RARB: variants seen among roughly 807,000 people sequenced by gnomAD.
RARB encodes retinoic acid receptor beta.
Under a neutral mutation model 51.9 loss-of-function variants are expected in RARB, and 17 were observed. The ratio of observed to expected loss-of-function variants is 0.33; its 90% CI spans 0.22 to 0.49. The LOEUF (loss-of-function observed/expected upper bound fraction) is 0.49. RARB is among the 20% of genes least tolerant of loss of function. The probability of loss-of-function intolerance (pLI) is 0.99; values close to 1 mark genes in which losing one functional copy is unlikely to be tolerated. For missense variants in RARB, 369 were observed against 550.8 expected (o/e 0.67, Z 3.30); for synonymous variants, 215 against 195.4 (o/e 1.10, Z -0.84).
intron 5 of RARB, among the ~76,000 whole-genome samples, chr3:25,298,913 G>A (rs1703978035): frequency 6.6e-6 from 1 of 152,094 alleles, no homozygotes; most frequent in South Asian, 2.1e-4. Flanking sequence ...GAGAGACCTG[G>A]AATACCTGAA....
chr3:24,870,774 T>C (rs985173275), intron 2 of RARB, among the ~76,000 whole-genome samples: 1 of 152,118 alleles, frequency 6.6e-6, no homozygotes, highest in Non-Finnish European at 1.5e-5. Flanking sequence ...TAGGCACATA[T>C]ATTTATAGGA....
intron 5 of RARB, among the ~76,000 whole-genome samples, chr3:25,219,925 G>A (rs1701909691): frequency 1.3e-5 from 2 of 152,254 alleles, no homozygotes; most frequent in East Asian, 3.9e-4. Context: ...GCATAATGTG[G>A]CACACATACC....
intron 3 of RARB, among the ~76,000 whole-genome samples, chr3:25,083,457 A>C (rs1303853864): frequency 6.6e-6 from 1 of 151,556 alleles, no homozygotes; most frequent in Non-Finnish European, 1.5e-5. Flanking sequence ...TTTTTTCCAG[A>C]CAGTATTTTT....
At chr3:25,421,103 T>C (rs1287699435) in intron 5 of RARB, among the ~76,000 whole-genome samples, 1 of 151,614 alleles carries the variant, frequency 6.6e-6, no homozygotes, top group Non-Finnish European at 1.5e-5. Flanking sequence ...TCTGACTCAG[T>C]GTGTGCTTTG....
intron 3 of RARB, among the ~76,000 whole-genome samples, chr3:25,102,720 T>C (rs2125321798): frequency 6.6e-6 from 1 of 152,204 alleles, no homozygotes; most frequent in South Asian, 2.1e-4. Context: ...GCTTTCTCAA[T>C]TTCTGAATTT....
intron 4 of RARB, among the ~76,000 whole-genome samples, chr3:25,580,190 C>T (rs946916676): frequency 3.9e-5 from 6 of 152,178 alleles, no homozygotes; most frequent in African/African-American, 9.6e-5. Context: ...CTGGCTAACA[C>T]GGTGAAACCC....
At chr3:24,939,118 G>C (rs1695605677) in intron 2 of RARB, among the ~76,000 whole-genome samples, 1 of 152,096 alleles carries the variant, frequency 6.6e-6, no homozygotes, top group Middle Eastern at 3.4e-3. Flanking sequence ...GAGTAGCTAG[G>C]ATTACAGGCG....
At chr3:24,911,737 G>C (rs1267577897) in intron 2 of RARB, among the ~76,000 whole-genome samples, 1 of 152,186 alleles carries the variant, frequency 6.6e-6, no homozygotes, top group Non-Finnish European at 1.5e-5. Flanking sequence ...AGGATCACTT[G>C]AGGCCAGGAG....
intron 4 of RARB, among the ~76,000 whole-genome samples, chr3:25,149,448 G>T (rs1430865933): frequency 1.3e-5 from 2 of 152,174 alleles, no homozygotes; most frequent in African/African-American, 2.4e-5. Flanking sequence ...ATGTGATTGT[G>T]GGTGAGTGAC....
At position 25,120,624 on chromosome 3, in the gene RARB, A is replaced by G. The variant is rs115879813; in HGVS notation, c.-327-11537A>G. On this transcript the variant is annotated intron_variant, in intron 3 of 11. Coordinates refer to the RARB transcript ENST00000383772. ...AGTTCAACCACTTCATACTGGAGGT[A>G]AGTTATATATTGTTAACTAAAGTCT... Among the ~76,000 whole-genome samples the G allele has an allele frequency of 4.1e-3, 621 of 151,094 alleles. 4 individuals are homozygous for G. The highest frequency in any genetic ancestry group is 0.014 in the African/African-American group (580 of 41,120).
intron 2 of RARB, among the ~76,000 whole-genome samples, chr3:24,889,563 A>G (rs1703335754): frequency 6.6e-6 from 1 of 152,118 alleles, no homozygotes; most frequent in South Asian, 2.1e-4. Context: ...TGCTCGTGGA[A>G]TCTTCATAAC....
At chr3:24,900,157 T>C (rs1442647830) in intron 2 of RARB, among the ~76,000 whole-genome samples, 1 of 152,164 alleles carries the variant, frequency 6.6e-6, no homozygotes, top group Non-Finnish European at 1.5e-5. Flanking sequence ...AGGAGAAAAA[T>C]GGTCAGTAAC....
chr3:25,164,390 C>T (rs1700527590), intron 4 of RARB, among the ~76,000 whole-genome samples: 1 of 152,184 alleles, frequency 6.6e-6, no homozygotes, highest in South Asian at 2.1e-4. Context: ...GCTGAGCAAG[C>T]ATGGGCAACC....
At chr3:25,299,663 T>G (rs1703994493) in intron 5 of RARB, among the ~76,000 whole-genome samples, 1 of 152,236 alleles carries the variant, frequency 6.6e-6, no homozygotes, top group Non-Finnish European at 1.5e-5. Flanking sequence ...ATACAATTGG[T>G]TTTCTTTATA....
intron 2 of RARB, among the ~76,000 whole-genome samples, chr3:24,970,887 A>G (rs1490682074): frequency 6.6e-6 from 1 of 152,012 alleles, no homozygotes. Context: ...TGTCAATTGA[A>G]TAACTTTCTA....
intron 5 of RARB, among the ~76,000 whole-genome samples, chr3:25,252,478 C>T (rs1702749569): frequency 6.6e-6 from 1 of 152,118 alleles, no homozygotes; most frequent in African/African-American, 2.4e-5. Context: ...AGTCCATGAA[C>T]ATGGTATATC....
At chr3:25,349,655 C>T (rs994744837) in intron 5 of RARB, among the ~76,000 whole-genome samples, 2 of 152,022 alleles carry the variant, frequency 1.3e-5, no homozygotes, top group Non-Finnish European at 2.9e-5. Context: ...ACAAAAAATT[C>T]TAAACAAACA....
intron 1 of RARB, among the ~76,000 whole-genome samples, chr3:24,853,942 G>A (rs747732144): frequency 1.3e-5 from 2 of 152,134 alleles, no homozygotes; most frequent in Non-Finnish European, 2.9e-5. Context: ...AAGACCCACC[G>A]ATTCCCAATT....
intron 5 of RARB, among the ~76,000 whole-genome samples, chr3:25,296,530 T>G (rs534328315): frequency 6.6e-6 from 1 of 152,304 alleles, no homozygotes; most frequent in South Asian, 2.1e-4. Context: ...ATGAATATAT[T>G]TAGCATGGTA....
Sources: allele counts gnomAD v4.1 joint callset (sites outside exome capture counted in the v4.1 genomes callset), GRCh38; gene constraint gnomAD v4.1.1; transcripts MANE v1.5; gene names NCBI Gene and HGNC (gene_info 2026-07-23, HGNC 2026-07-21).